ARHGAP8: variants seen among roughly 807,000 people sequenced by gnomAD.
ARHGAP8 encodes Rho GTPase activating protein 8.
ARHGAP8 carries 62 observed loss-of-function variants against 46.1 expected under a neutral mutation model. The ratio of observed to expected loss-of-function variants is 1.34; its 90% confidence interval spans 1.10 to 1.66. ARHGAP8 has a LOEUF of 1.66. Among genes scored for constraint, ARHGAP8 ranks in the 40% most tolerant of loss-of-function variants. The pLI, the probability that ARHGAP8 is intolerant of heterozygous loss-of-function variation, is 0.00. For missense variants in ARHGAP8, 923 were observed against 568.4 expected (o/e 1.62, Z -6.34); for synonymous variants, 375 against 243.1 (o/e 1.54, Z -5.05).
At chr22:44,859,694 C>A (rs893256446) in intron 10 of ARHGAP8, 37 bp from the exon 11 acceptor site, 26 of 1,607,328 alleles carry the variant, frequency 1.6e-5, no homozygotes, top group Admixed American at 5.0e-5. Flanking sequence ...GCCCCTGGCC[C>A]CTCTGGAGCT....
intron 7 of ARHGAP8, among the ~76,000 whole-genome samples, chr22:44,830,082 G>T (rs577115729): frequency 2.0e-5 from 3 of 151,152 alleles, no homozygotes; most frequent in Non-Finnish European, 4.4e-5. Context: ...GGAGTGCAGT[G>T]GCACGATCTC....
intron 9 of ARHGAP8, 98 bp downstream of exon 9, chr22:44,848,148 ACCCAC>A: frequency 6.7e-7 from 1 of 1,495,642 alleles, no homozygotes; most frequent in South Asian, 1.2e-5. Flanking sequence ...CGCCCCCGCA[ACCCAC>A]CCAACTCCCA....
Position 44,856,764 on chromosome 22 carries a change from C to CT in ARHGAP8, c.878-2966dup, listed in dbSNP as rs140942024. On this transcript the variant is annotated intron_variant, in intron 10 of 11. Transcript: ENST00000356099. ...GCAAACAGTGACTCTTCCTGGGAGG[C>CT]TGAAGATCACCGAGGACTCCTCGAG... is the stretch of plus-strand genomic sequence containing the variant. Among the ~76,000 whole-genome samples, 537 of 143,514 alleles carry CT rather than the reference C, an allele frequency of 3.7e-3. 100 individuals are homozygous for CT. Among genetic ancestry groups the CT allele is most frequent in the African/African-American group, 0.014 (496 of 35,504 alleles). The allele number at this position is 143,514 out of a possible 152,430, so 94.2% of individuals were successfully genotyped here.
chr22:44,786,933 C>T (rs1238518234), intron 2 of ARHGAP8, among the ~76,000 whole-genome samples: 2 of 151,742 alleles, frequency 1.3e-5, no homozygotes, highest in Non-Finnish European at 2.9e-5. Flanking sequence ...GGGAAGATTG[C>T]TTCAGCCCGG....
At chr22:44,824,840 C>T (rs962321127) in intron 6 of ARHGAP8, among the ~76,000 whole-genome samples, 4 of 151,878 alleles carry the variant, frequency 2.6e-5, no homozygotes, top group African/African-American at 9.7e-5. Context: ...ATCATGTTGG[C>T]CGGGCTGGTC....
rs1300212023 is a variant in ARHGAP8, at chr22:44,825,916, G to A, written c.596+323G>A. Among the ~76,000 whole-genome samples, 5 of 115,188 alleles carry A rather than the reference G, an allele frequency of 4.3e-5. No individual in the cohort carries two copies. The Admixed American group carries it at 4.9e-4, about 11-fold the overall frequency. 75.6% of individuals were successfully genotyped at this position (115,188 alleles called of 152,430 possible). ...GCTCCGTGCCTCGTTGGGGGGGCGC[G>A]TGCTGGGTGCCTGGTCGGGGGGGTG... On this transcript the variant is annotated intron_variant, in intron 7 of 11. Coordinates refer to ENST00000356099, the MANE Select transcript of ARHGAP8 (RefSeq NM_181335.3).
chr22:44,841,231 T>C (rs111357051), intron 7 of ARHGAP8, among the ~76,000 whole-genome samples: 152 of 69,950 alleles, frequency 2.2e-3, no homozygotes, highest in African/African-American at 7.8e-3. Context: ...AAAGTTTCCA[T>C]GTATTTTTTC....
At position 44,845,205 on chromosome 22, in the gene ARHGAP8, C is replaced by G. The variant is rs1290206887; in HGVS notation, c.597-64C>G. 4 of 1,603,192 alleles carry G rather than the reference C, an allele frequency of 2.5e-6. No individual in the cohort carries two copies. In the Admixed American group the frequency reaches 6.7e-5, roughly 27 times the overall value. ...AGGGGTGTGGAGAGGACCAGCGCCT[C>G]TTCTCATTGTGATCACCCATCAAGC... is the stretch of plus-strand genomic sequence containing the variant. On this transcript the variant is annotated intron_variant, in intron 7 of 11. Coordinates refer to ENST00000356099, the MANE Select transcript of ARHGAP8 (RefSeq NM_181335.3).
chr22:44,769,343 T>G (rs996868002), intron 1 of ARHGAP8, among the ~76,000 whole-genome samples: 2 of 152,232 alleles, frequency 1.3e-5, no homozygotes, highest in Non-Finnish European at 2.9e-5. Flanking sequence ...TATGCCAACC[T>G]CATGCTGTCC....
At chr22:44,832,349 C>T (rs1931007893) in intron 7 of ARHGAP8, among the ~76,000 whole-genome samples, 1 of 151,744 alleles carries the variant, frequency 6.6e-6, no homozygotes, top group Admixed American at 6.6e-5. Flanking sequence ...GCCTCAGCCT[C>T]CCAAGTAGCT....
At chr22:44,810,597 G>A (rs997733495) in intron 4 of ARHGAP8, among the ~76,000 whole-genome samples, 5 of 152,200 alleles carry the variant, frequency 3.3e-5, no homozygotes, top group Admixed American at 3.3e-4. Flanking sequence ...GTACTGGCAG[G>A]AAGTACCAAG....
intron 2 of ARHGAP8, among the ~76,000 whole-genome samples, chr22:44,799,338 C>A (rs947052278): frequency 6.6e-6 from 1 of 152,258 alleles, no homozygotes; most frequent in African/African-American, 2.4e-5. Flanking sequence ...GCCAGAGGAG[C>A]TGCTCCCATA....
At chr22:44,846,173 G>A (rs1334850484) in intron 8 of ARHGAP8, among the ~76,000 whole-genome samples, 2 of 152,172 alleles carry the variant, frequency 1.3e-5, no homozygotes, top group Non-Finnish European at 2.9e-5. Flanking sequence ...CCGAGACCCC[G>A]CCACCGTGTG....
chr22:44,763,646 T>C (rs1033298872), intron 1 of ARHGAP8, among the ~76,000 whole-genome samples: 2 of 151,912 alleles, frequency 1.3e-5, no homozygotes, highest in Admixed American at 1.3e-4. Flanking sequence ...GGACAGGGCA[T>C]TTGTAGATCA....
chr22:44,824,339 C>T (rs554444082), intron 6 of ARHGAP8, among the ~76,000 whole-genome samples: 40 of 152,352 alleles, frequency 2.6e-4, no homozygotes, highest in African/African-American at 9.6e-4. Context: ...CAAAAAACAA[C>T]CGCACGTGGT....
intron 5 of ARHGAP8, among the ~76,000 whole-genome samples, chr22:44,816,417 G>A (rs1358028275): frequency 6.6e-6 from 1 of 152,116 alleles, no homozygotes; most frequent in Non-Finnish European, 1.5e-5. Flanking sequence ...CGCCCCAAGG[G>A]CTACACTGCC....
chr22:44,859,648 C>T lies in ARHGAP8; in HGVS notation c.878-83C>T, dbSNP rs780384483. 72 of 1,467,428 alleles carry T rather than the reference C, an allele frequency of 4.9e-5. 1 individual carries two copies. In the South Asian group the frequency reaches 5.3e-4, roughly 11 times the overall value. The allele number at this position is 1,467,428 out of a possible 1,614,324, so 90.9% of individuals were successfully genotyped here. On this transcript the variant is annotated intron_variant, in intron 10 of 11. Coordinates refer to ENST00000356099, the MANE Select transcript of ARHGAP8 (RefSeq NM_181335.3). ...TCCATCCTCAGAGCTGTCCTTCCTA[C>T]ACCCCTGTTCTCCTCCCGGGCCGGG... is the stretch of plus-strand genomic sequence containing the variant.
chr22:44,805,729 C>T (rs1260381266), intron 3 of ARHGAP8, among the ~76,000 whole-genome samples: 1 of 152,138 alleles, frequency 6.6e-6, no homozygotes, highest in Non-Finnish European at 1.5e-5. Context: ...GCTTCTCGGC[C>T]TTGATAAGAA....
At chr22:44,858,708 G>A (rs990942729) in intron 10 of ARHGAP8, among the ~76,000 whole-genome samples, 5 of 149,462 alleles carry the variant, frequency 3.3e-5, no homozygotes, top group African/African-American at 1.2e-4. Flanking sequence ...TGGAGCTCCA[G>A]TGGTAGATGT....
Sources: allele counts gnomAD v4.1 joint callset (sites outside exome capture counted in the v4.1 genomes callset), GRCh38; gene constraint gnomAD v4.1.1; transcripts MANE v1.5; gene names NCBI Gene and HGNC (gene_info 2026-07-23, HGNC 2026-07-21).